The following HECW2 variants were observed in gnomAD, a reference collection of about 807,000 sequenced individuals.
HECW2 encodes the protein HECT, C2 and WW domain containing E3 ubiquitin protein ligase 2, also known as E3 ubiquitin-protein ligase HECW2.
HECW2 carries 61 observed loss-of-function variants against 175.2 expected under a neutral mutation model. The ratio of observed to expected loss-of-function variants is 0.35; its 90% confidence interval spans 0.28 to 0.43. The LOEUF (loss-of-function observed/expected upper bound fraction) is 0.43, where lower values mean the gene tolerates loss of function less well. Ranked by LOEUF, HECW2 falls within the 20% of genes least tolerant of loss-of-function variation. The pLI is 1.00. For synonymous variants in HECW2, 671 were observed against 731.0 expected (o/e 0.92, Z 1.32); for missense variants, 1,524 against 2,000.5 (o/e 0.76, Z 4.54).
intron 1 of HECW2, among the ~76,000 whole-genome samples, chr2:196,566,899 G>A (rs59102480): frequency 0.19 from 28,953 of 151,772 alleles, 3,163 homozygotes; most frequent in African/African-American, 0.3. Flanking sequence ...AGAAGAGGAA[G>A]CTAAGATTCC....
chr2:196,358,900 T>G (rs1237389033), intron 2 of HECW2, among the ~76,000 whole-genome samples: 1 of 152,162 alleles, frequency 6.6e-6, no homozygotes, highest in African/African-American at 2.4e-5. Flanking sequence ...GTATCTCACA[T>G]GTAGTATCTC....
chr2:196,385,227 TG>T (rs995319787), intron 2 of HECW2, among the ~76,000 whole-genome samples: 2 of 152,150 alleles, frequency 1.3e-5, no homozygotes, highest in Non-Finnish European at 2.9e-5. Context: ...GTTTCTTTTC[TG>T]TATCTCATAT....
intron 21 of HECW2, among the ~76,000 whole-genome samples, chr2:196,234,814 C>T (rs554531571): frequency 2.4e-4 from 37 of 152,288 alleles, no homozygotes; most frequent in South Asian, 2.1e-4. Context: ...TGCAATTTCA[C>T]GCCACATTCA....
chr2:196,392,016 T>A (rs1444585754), intron 2 of HECW2, among the ~76,000 whole-genome samples: 1 of 152,210 alleles, frequency 6.6e-6, no homozygotes, highest in South Asian at 2.1e-4. Context: ...TGACCTTATC[T>A]TCACTAATTA....
intron 1 of HECW2, among the ~76,000 whole-genome samples, chr2:196,507,489 A>G (rs1687808704): frequency 6.6e-6 from 1 of 152,226 alleles, no homozygotes; most frequent in Admixed American, 6.5e-5. Context: ...AGCATACAGT[A>G]GTTAGAGGCC....
At chr2:196,455,702 T>C (rs1483677729) in intron 1 of HECW2, among the ~76,000 whole-genome samples, 2 of 152,112 alleles carry the variant, frequency 1.3e-5, no homozygotes, top group Non-Finnish European at 2.9e-5. Context: ...TTTAACTAAA[T>C]TGAACACATA....
chr2:196,411,621 T>C (rs886247175), intron 2 of HECW2, among the ~76,000 whole-genome samples: 5 of 152,152 alleles, frequency 3.3e-5, no homozygotes, highest in African/African-American at 1.2e-4. Flanking sequence ...TGGGAAGCAT[T>C]GTTGAAATGC....
intron 1 of HECW2, among the ~76,000 whole-genome samples, chr2:196,568,621 C>T (rs796913314): frequency 1.3e-5 from 2 of 152,070 alleles, no homozygotes; most frequent in African/African-American, 4.8e-5. Context: ...CAGTTGAAAC[C>T]GTACTTTAGA....
intron 1 of HECW2, among the ~76,000 whole-genome samples, chr2:196,514,753 T>C (rs1305551743): frequency 1.3e-5 from 2 of 152,110 alleles, no homozygotes; most frequent in African/African-American, 2.4e-5. Flanking sequence ...GACGACCTGC[T>C]TGCAGAAAGG....
chr2:196,565,444 T>C (rs1232817947), intron 1 of HECW2, among the ~76,000 whole-genome samples: 1 of 152,246 alleles, frequency 6.6e-6, no homozygotes, highest in Non-Finnish European at 1.5e-5. Flanking sequence ...ACATGTTCTT[T>C]ACTTTGTTTT....
At chr2:196,249,022 C>T (rs899419227) in intron 19 of HECW2, among the ~76,000 whole-genome samples, 1 of 152,062 alleles carries the variant, frequency 6.6e-6, no homozygotes, top group African/African-American at 2.4e-5. Context: ...CCTCAATGTG[C>T]AGTGTATAGG....
chr2:196,574,338 G>A (rs759858867), intron 1 of HECW2, among the ~76,000 whole-genome samples: 4 of 152,024 alleles, frequency 2.6e-5, no homozygotes, highest in Non-Finnish European at 4.4e-5. Flanking sequence ...GCTGAGGCAG[G>A]AGAATTGCCT....
intron 28 of HECW2, among the ~76,000 whole-genome samples, chr2:196,213,864 C>T (rs886762372): frequency 6.6e-6 from 1 of 152,170 alleles, no homozygotes; most frequent in Non-Finnish European, 1.5e-5. Context: ...ACCTAATATA[C>T]CACCTCCTCC....
intron 3 of HECW2, among the ~76,000 whole-genome samples, chr2:196,336,257 G>A (rs1531117): frequency 0.97 from 148,161 of 152,326 alleles, 72,180 homozygotes; most frequent in Middle Eastern, 1. Flanking sequence ...TGAAATAGTA[G>A]TAGCTGGACA....
chr2:196,499,175 G>A (rs913976446), intron 1 of HECW2, among the ~76,000 whole-genome samples: 3 of 152,190 alleles, frequency 2.0e-5, no homozygotes, highest in Admixed American at 6.5e-5. Flanking sequence ...CCATCTCAGT[G>A]TATTGGCTTT....
intron 1 of HECW2, among the ~76,000 whole-genome samples, chr2:196,583,338 T>C (rs1690860534): frequency 6.6e-6 from 1 of 152,234 alleles, no homozygotes; most frequent in African/African-American, 2.4e-5. Context: ...GAAATCTTCA[T>C]TTCCACACTT....
intron 17 of HECW2, chr2:196,263,159 T>C (rs1689374107): frequency 1.3e-5 from 2 of 151,962 alleles, no homozygotes; most frequent in Non-Finnish European, 2.9e-5. Flanking sequence ...ACATGAAAAC[T>C]CACAACTGTA....
At chr2:196,395,699 CTA>C (rs1694640572) in intron 2 of HECW2, among the ~76,000 whole-genome samples, 1 of 44,222 alleles carries the variant, frequency 2.3e-5, no homozygotes, top group African/African-American at 7.0e-5. Flanking sequence ...ATTAGGATGA[CTA>C]TGTTTTTTTT....
intron 6 of HECW2, among the ~76,000 whole-genome samples, chr2:196,323,889 G>T (rs1280869431): frequency 6.9e-6 from 1 of 144,442 alleles, no homozygotes; most frequent in African/African-American, 2.6e-5. Context: ...TAAGTGGCAT[G>T]CCCTTAAGAG....
Sources: allele counts gnomAD v4.1 joint callset (sites outside exome capture counted in the v4.1 genomes callset), GRCh38; gene constraint gnomAD v4.1.1; transcripts MANE v1.5; gene names NCBI Gene and HGNC (gene_info 2026-07-23, HGNC 2026-07-21).